GPR137B: variants seen among roughly 807,000 people sequenced by gnomAD.
GPR137B encodes integral membrane protein GPR137B.
In GPR137B, 42 loss-of-function variants were observed where a neutral mutation model predicts 42.5. That is an observed-to-expected ratio of 0.99 (90% CI 0.77 to 1.28). GPR137B has a LOEUF of 1.28. Ranked by LOEUF, GPR137B falls within the 50% of genes most tolerant of loss-of-function variation. The pLI, the probability that GPR137B is intolerant of heterozygous loss-of-function variation, is 0.00. For missense variants in GPR137B, 487 were observed against 493.9 expected, an observed-to-expected ratio of 0.99 and a Z score of 0.13; for synonymous variants, 218 against 209.7, an observed-to-expected ratio of 1.04 and a Z score of -0.34.
intron 5 of GPR137B, among the ~76,000 whole-genome samples, chr1:236,187,116 T>C (rs561941289): frequency 1.1e-4 from 17 of 152,366 alleles, no homozygotes; most frequent in East Asian, 7.7e-4. Flanking sequence ...AGCATATTTT[T>C]CATGTTTATT....
rs1291017512 is a variant in GPR137B at position 236,208,748 on chromosome 1, T to A, written c.*590T>A. ...GTAAGGTCTTTAGAGATTTTTTTTTTAAGGTTCAGGCCGTAGGTTCCTCAA... is the reference window on the plus strand; with the variant it reads ...GTAAGGTCTTTAGAGATTTTTTTTTAAAGGTTCAGGCCGTAGGTTCCTCAA... On this transcript the variant is annotated 3_prime_UTR_variant, in exon 7 of 7. Transcript: ENST00000366592. 2.0e-6 allele frequency: 2 copies of A among 984,876 alleles called. No homozygotes were observed. Among genetic ancestry groups the A allele is most frequent in the Admixed American group, 6.2e-5 (1 of 16,256 alleles). The allele number at this position is 984,876 out of a possible 1,614,324, so 61.0% of individuals were successfully genotyped here.
intron 1 of GPR137B, among the ~76,000 whole-genome samples, chr1:236,145,425 C>T (rs1273568259): frequency 6.6e-6 from 1 of 152,216 alleles, no homozygotes; most frequent in Non-Finnish European, 1.5e-5. Context: ...TACTTTCGAT[C>T]TCGGCTCACT....
intron 3 of GPR137B, among the ~76,000 whole-genome samples, 188 bp from the exon 4 acceptor site, chr1:236,179,691 G>A (rs1369378471): frequency 6.6e-6 from 1 of 152,148 alleles, no homozygotes; most frequent in Non-Finnish European, 1.5e-5. Context: ...AAGTCCCAGG[G>A]TCCATATGAA....
chr1:236,196,479 A>G (rs1663336991), intron 5 of GPR137B, among the ~76,000 whole-genome samples: 1 of 152,134 alleles, frequency 6.6e-6, no homozygotes, highest in Non-Finnish European at 1.5e-5. Flanking sequence ...CTTAATTTCA[A>G]AAGTTTTTGG....
At chr1:236,145,337 C>T (rs1173114867) in intron 1 of GPR137B, among the ~76,000 whole-genome samples, 1 of 152,160 alleles carries the variant, frequency 6.6e-6, no homozygotes, top group East Asian at 1.9e-4. Context: ...TGCTTGGGCC[C>T]CCATCTCAGA....
chr1:236,168,901 C>T, intron 2 of GPR137B, 146 bp downstream of exon 2: 1 of 691,142 alleles, frequency 1.4e-6, no homozygotes, highest in Non-Finnish European at 2.7e-6. Context: ...CCACATTGTG[C>T]ACATCATGTG....
chr1:236,178,297 A>G (rs1051913185), intron 2 of GPR137B, 117 bp from the exon 3 acceptor site: 3 of 664,840 alleles, frequency 4.5e-6, no homozygotes, highest in Admixed American at 2.6e-5. Context: ...CCAGAGTCCA[A>G]GCTCTTAAAT....
intron 5 of GPR137B, among the ~76,000 whole-genome samples, chr1:236,184,676 GT>G (rs1032354909): frequency 1.3e-5 from 2 of 152,080 alleles, no homozygotes; most frequent in African/African-American, 2.4e-5. Context: ...TGACTGACCT[GT>G]TTTTTTATCT....
chr1:236,172,709 C>T (rs1377747682), intron 2 of GPR137B, among the ~76,000 whole-genome samples: 12 of 143,408 alleles, frequency 8.4e-5, no homozygotes, highest in African/African-American at 2.6e-4. Flanking sequence ...TTTTAAGAGA[C>T]AAGGTCTCAC....
intron 1 of GPR137B, among the ~76,000 whole-genome samples, chr1:236,153,889 C>A (rs1193957114): frequency 2.0e-5 from 3 of 152,244 alleles, no homozygotes; most frequent in Non-Finnish European, 4.4e-5. Flanking sequence ...GTAATGAAAT[C>A]AAAATATTTC....
chr1:236,147,690 C>T (rs112581073), intron 1 of GPR137B, among the ~76,000 whole-genome samples: 56 of 152,286 alleles, frequency 3.7e-4, no homozygotes, highest in Admixed American at 8.5e-4. Context: ...CAGGCTCCAC[C>T]GGGACTCCAC....
At chr1:236,146,253 A>T (rs1661679512) in intron 1 of GPR137B, among the ~76,000 whole-genome samples, 2 of 152,204 alleles carry the variant, frequency 1.3e-5, no homozygotes, top group Admixed American at 1.3e-4. Flanking sequence ...ATCAAAGTAT[A>T]CATACAGCAC....
At chr1:236,197,016 C>CT (rs1286601199) in intron 5 of GPR137B, among the ~76,000 whole-genome samples, 5 of 152,168 alleles carry the variant, frequency 3.3e-5, no homozygotes, top group African/African-American at 9.6e-5. Flanking sequence ...TAAAAGTGTT[C>CT]TTTTTTACTA....
chr1:236,179,817 T>C (rs1024837847), intron 3 of GPR137B, 62 bp from the exon 4 acceptor site: 62 of 1,268,280 alleles, frequency 4.9e-5, no homozygotes, highest in South Asian at 2.4e-4. Flanking sequence ...AGGTGGGGGC[T>C]GGGGAAGGGG....
rs147487975 is a variant in GPR137B, at chr1:236,156,207, G to A, written c.415-12499G>A. ...GGGCCCACATTCCAAGGGCCAGCAC[G>A]AGGCCAGGAGCAGGCAGGACCAGCT... On this transcript the variant is annotated intron_variant, in intron 1 of 6. Coordinates refer to ENST00000366592, the MANE Select transcript of GPR137B (RefSeq NM_003272.4). The surrounding 1 kb of genome is among the most constrained non-coding windows in gnomAD (Gnocchi z 4.8). 2.6e-5 allele frequency among the ~76,000 whole-genome samples: 4 copies of A among 152,322 alleles called. No individual in the cohort carries two copies. Among genetic ancestry groups the A allele is most frequent in the African/African-American group, 4.8e-5 (2 of 41,582 alleles).
chr1:236,145,473 C>T (rs528823192), intron 1 of GPR137B, among the ~76,000 whole-genome samples: 8 of 152,332 alleles, frequency 5.3e-5, no homozygotes, highest in Admixed American at 2.0e-4. Context: ...ATTCTCCTAC[C>T]TCAGCCTCCT....
intron 6 of GPR137B, among the ~76,000 whole-genome samples, chr1:236,205,683 G>A (rs1663637475): frequency 2.0e-5 from 3 of 152,036 alleles, no homozygotes; most frequent in South Asian, 2.1e-4. Flanking sequence ...TGGGATTACC[G>A]GTGTGCGCCA....
At chr1:236,175,025 A>G (rs748450395) in intron 2 of GPR137B, among the ~76,000 whole-genome samples, 12 of 151,890 alleles carry the variant, frequency 7.9e-5, no homozygotes, top group Non-Finnish European at 1.8e-4. Context: ...AAACAAGCAT[A>G]TTTTCTGAGG....
chr1:236,180,141 T>G (rs368448209), intron 4 of GPR137B, 113 bp downstream of exon 4: 52 of 784,780 alleles, frequency 6.6e-5, no homozygotes, highest in African/African-American at 3.2e-4. Context: ...GTCCCTGATA[T>G]AAAATGGTGT....
Sources: gnomAD v4.1 joint callset for allele counts (sites outside exome capture counted in the v4.1 genomes callset) on GRCh38, gnomAD v4.1.1 for gene constraint, Gnocchi (gnomAD v3.1) non-coding constraint, MANE v1.5 for transcripts, NCBI Gene and HGNC (gene_info 2026-07-23, HGNC 2026-07-21) for gene names.